The following MAP3K6 variants were observed in gnomAD, a reference collection of about 807,000 sequenced individuals.
The protein encoded by MAP3K6 is apoptosis signal-regulating kinase 2.
In MAP3K6, 105 loss-of-function variants were observed where a neutral mutation model predicts 147.1. The observed-to-expected ratio is 0.71, with a 90% CI of 0.61 to 0.84. The LOEUF is 0.84. Ranked by LOEUF, MAP3K6 falls within the 40% of genes least tolerant of loss-of-function variation. The pLI, the probability that MAP3K6 is intolerant of heterozygous loss-of-function variation, is 0.00. For missense variants in MAP3K6, 1,569 were observed against 1,715.0 expected (o/e 0.91, Z 1.50); for synonymous variants, 695 against 732.4 (o/e 0.95, Z 0.82).
rs147231895 is a variant in MAP3K6, at chr1:27,359,069, T to C, written c.2426-203A>G. On this transcript the variant is annotated intron_variant, in intron 18 of 28. Coordinates refer to ENST00000357582, the MANE Select transcript of MAP3K6 (RefSeq NM_004672.5). This position sits in a 1 kb window ranked among gnomAD's most constrained non-coding sequence, Gnocchi z 4.4. ...GCTCCATCGCCTGCCAAGGCTTCCG[T>C]CATTCATCCTGGGCTCCACCACATT... Among the ~76,000 whole-genome samples the C allele has an allele frequency of 4.3e-3, 649 of 152,230 alleles. No homozygotes were observed. The highest frequency in any genetic ancestry group is 6.1e-3 in the Non-Finnish European group (416 of 68,014).
In MAP3K6 at chr1:27,364,103, G is replaced by A; in HGVS notation, c.696-18C>T. The A allele has an allele frequency of 6.2e-7, 1 of 1,607,874 alleles. No individual in the cohort carries two copies. The highest frequency in any genetic ancestry group is 8.5e-7 in the Non-Finnish European group (1 of 1,176,942). On this transcript the variant is annotated intron_variant, in intron 4 of 28. Transcript: ENST00000357582. The surrounding 1 kb of genome is among the most constrained non-coding windows in gnomAD (Gnocchi z 4.4). ...AATAGCCACTGATGCCCAGGGTAGG[G>A]GAGGCAGGGAGAGAGAATGGTGGGG...
chr1:27,361,204 C>CCG lies in MAP3K6; in HGVS notation c.1784_1785insCG (p.Ala596GlyfsTer12), dbSNP rs1553142237. On this transcript the variant is annotated frameshift_variant, in exon 13 of 29. Coordinates refer to ENST00000357582, the MANE Select transcript of MAP3K6 (RefSeq NM_004672.5). LOFTEE classifies it high-confidence loss of function. The stretch of plus-strand genomic sequence containing the variant: ...GGAAGCACAGCTGGACGTCCTGAGC[C>CCG]GGGGGGAGTGCATAGAGGAAGCAGC... The CCG allele has an allele frequency of 1.2e-6, 2 of 1,613,004 alleles. No individual in the cohort carries two copies. The highest frequency in any genetic ancestry group is 2.2e-5 in the South Asian group (2 of 90,908).
rs1483925500 is a variant in MAP3K6 at position 27,364,905 on chromosome 1, C to T, written c.348G>A (p.Val116=). The T allele has an allele frequency of 1.9e-6, 3 of 1,588,666 alleles. No individual in the cohort carries two copies. Among genetic ancestry groups the T allele is most frequent in the African/African-American group, 2.7e-5 (2 of 74,516 alleles). ...CCAGCGAGCTGCTCACCTCCAGCAC[C>T]ACCACATCTGCAGGCACAGAGGGGG... ...ALDAFYNADV[V]VLEVSSSLVQ... Residue 116 remains valine, a synonymous_variant, in exon 2 of 29, where the codon GTG becomes GTA. Coordinates refer to ENST00000357582, the MANE Select transcript of MAP3K6 (RefSeq NM_004672.5). This position sits in a 1 kb window ranked among gnomAD's most constrained non-coding sequence, Gnocchi z 4.4.
chr1:27,357,355 A>G (rs1240540429), intron 23 of MAP3K6, 45 bp downstream of exon 23: 1 of 1,563,956 alleles, frequency 6.4e-7, no homozygotes, highest in Non-Finnish European at 8.7e-7. Context: ...CGGGGAACTC[A>G]CTACCTGTTG....
chr1:27,362,334 A>G (rs1344744562), intron 8 of MAP3K6, 84 bp from the exon 9 acceptor site: 4 of 1,375,960 alleles, frequency 2.9e-6, no homozygotes, highest in Non-Finnish European at 4.0e-6. Context: ...GAGTGTGGAC[A>G]TGAACATAGA....
rs2015730971 is a variant in MAP3K6 at position 27,360,837 on chromosome 1, A to G, written c.1922T>C (p.Phe641Ser). 6.2e-7 allele frequency: 1 copy of G among 1,612,620 alleles called. No individual in the cohort carries two copies. Among genetic ancestry groups the G allele is most frequent in the Non-Finnish European group, 8.5e-7 (1 of 1,179,802 alleles). Residue 641 changes from phenylalanine to serine, a missense_variant and splice_region_variant, in exon 15 of 29, where the codon TTT becomes TCT. Phe to Ser is a radical substitution (Grantham distance 155). Transcript: ENST00000357582. The surrounding 1 kb of genome is among the most constrained non-coding windows in gnomAD (Gnocchi z 4.5). Reference sequence around the variant, plus strand: ...GCCCGTCTCCGTGTACTCATAATCAAACTGCCGGGCGCGGGGTGAGATGGG... The same window carrying G: ...GCCCGTCTCCGTGTACTCATAATCAGACTGCCGGGCGCGGGGTGAGATGGG... ...EAEGAGEMLE[F>S]DYEYTETGER...
chr1:27,357,978 C>T, intron 21 of MAP3K6, 102 bp from the exon 22 acceptor site: 1 of 1,476,692 alleles, frequency 6.8e-7, no homozygotes, highest in Non-Finnish European at 9.0e-7. Context: ...ATGCCTACCT[C>T]ACAGGCATGA....
At chr1:27,365,959 C>T (rs1472252448) in intron 1 of MAP3K6, among the ~76,000 whole-genome samples, 1 of 151,234 alleles carries the variant, frequency 6.6e-6, no homozygotes, top group African/African-American at 2.4e-5. Flanking sequence ...TTCCAAAGCC[C>T]CTCCCCATCC....
At chr1:27,361,906 C>A (rs777443733) in intron 9 of MAP3K6, 39 bp from the exon 10 acceptor site, 63 of 1,505,866 alleles carry the variant, frequency 4.2e-5, no homozygotes, top group Non-Finnish European at 5.3e-5. Context: ...GCCCAGGCAC[C>A]AACCAGCACT....
At chr1:27,356,870 GA>G in intron 24 of MAP3K6, 121 bp from the exon 25 acceptor site, 1 of 1,430,750 alleles carries the variant, frequency 7.0e-7, no homozygotes. Flanking sequence ...CGGTATGGGA[GA>G]TGTCCATTTA....
Position 27,357,571 on chromosome 1 carries a change from G to A in MAP3K6, c.3087C>T (p.Ala1029=). The change falls in exon 23 of 29, where the codon GCC becomes GCT. Residue 1029 remains alanine, a synonymous_variant. Transcript: ENST00000357582. ...LHQEQKQEQG[A]RLGRNHVEEL... ...CTTCCACATGGTTTCTGCCCAGACGGGCCCCCTGAGAAGGAAGAGAGGGGT... is the reference window on the plus strand; with the variant it reads ...CTTCCACATGGTTTCTGCCCAGACGAGCCCCCTGAGAAGGAAGAGAGGGGT... 2 of 1,607,190 alleles carry A rather than the reference G, an allele frequency of 1.2e-6. No homozygotes were observed. The highest frequency in any genetic ancestry group is 1.7e-6 in the Non-Finnish European group (2 of 1,176,012).
rs2015655797 is a variant in MAP3K6 at position 27,359,303 on chromosome 1, T to C, written c.2425+114A>G. 3 of 1,469,770 alleles carry C rather than the reference T, an allele frequency of 2.0e-6. No individual in the cohort carries two copies. Among genetic ancestry groups the C allele is most frequent in the African/African-American group, 1.4e-5 (1 of 71,776 alleles). 91.0% of individuals were successfully genotyped at this position (1,469,770 alleles called of 1,614,324 possible). ...GCCCAATCACTCACCCTGGGTTTCA[T>C]TCCCCATTAGGACTCTAACTCCATG... On this transcript the variant is annotated intron_variant, in intron 18 of 28. Transcript: ENST00000357582. This position sits in a 1 kb window ranked among gnomAD's most constrained non-coding sequence, Gnocchi z 4.4.
At chr1:27,363,884 AG>A (rs1262620575) in intron 5 of MAP3K6, 32 bp downstream of exon 5, 1 of 1,520,642 alleles carries the variant, frequency 6.6e-7, no homozygotes, top group African/African-American at 1.4e-5. Context: ...CTCAAATGCC[AG>A]CTGCCCTACT....
At position 27,358,703 on chromosome 1, in the gene MAP3K6, T is replaced by C; in HGVS notation, c.2583+6A>G. On this transcript the variant is annotated splice_donor_region_variant and intron_variant, in intron 19 of 28. Coordinates refer to ENST00000357582, the MANE Select transcript of MAP3K6 (RefSeq NM_004672.5). This position sits in a 1 kb window ranked among gnomAD's most constrained non-coding sequence, Gnocchi z 6.2. ...CTTCCATGGGCCAGGCCCAAAGAGG[T>C]CTCACCTGAAACATGGCAGCCTGTG... is the stretch of plus-strand genomic sequence containing the variant. 6 of 1,613,430 alleles carry C rather than the reference T, an allele frequency of 3.7e-6. No individual in the cohort carries two copies. The highest frequency in any genetic ancestry group is 5.1e-6 in the Non-Finnish European group (6 of 1,179,876).
chr1:27,363,200 T>G (rs1340236553), intron 6 of MAP3K6, among the ~76,000 whole-genome samples, 179 bp from the exon 7 acceptor site: 1 of 152,112 alleles, frequency 6.6e-6, no homozygotes, highest in South Asian at 2.1e-4. Context: ...GATTCCTAGA[T>G]GCGATGACTC....
At position 27,364,684 on chromosome 1, in the gene MAP3K6, C is replaced by T. The variant is rs2148060603; in HGVS notation, c.481G>A (p.Glu161Lys). 6.2e-7 allele frequency: 1 copy of T among 1,614,148 alleles called. No homozygotes were observed. The highest frequency in any genetic ancestry group is 8.5e-7 in the Non-Finnish European group (1 of 1,180,016). Residue 161 changes from glutamate to lysine, a missense_variant and splice_region_variant, in exon 3 of 29, where the codon GAG becomes AAG. Physicochemically the swap from Glu to Lys is moderately conservative, Grantham distance 56 (BLOSUM62 1). Transcript: ENST00000357582. The surrounding 1 kb of genome is among the most constrained non-coding windows in gnomAD (Gnocchi z 4.4). ...ACCGAGTTCTTCTGGAAAACATCCT[C>T]CTGCAGGAGGCAGACAGTCAGATAC... ...ADLPDLQALR[E>K]DVFQKNSDCV...
chr1:27,361,028 G>C lies in MAP3K6; in HGVS notation c.1833-20C>G. 9 of 1,557,214 alleles carry C rather than the reference G, an allele frequency of 5.8e-6. No homozygotes were observed. Among genetic ancestry groups the C allele is most frequent in the Non-Finnish European group, 7.8e-6 (9 of 1,150,232 alleles). On this transcript the variant is annotated intron_variant, in intron 13 of 28. Transcript: ENST00000357582. ...CAGAACCTGAAGGTGGGGGAGGTCA[G>C]ACCCGCGGGAGGGGCATCTTGGTCC...
At position 27,359,453 on chromosome 1, in the gene MAP3K6, G is replaced by C. The variant is rs1158984795; in HGVS notation, c.2389C>G (p.Leu797Val). ...TCAGTGCAAGGTGTGATGCCTGCCA[G>C]CCGCTTGGAGGTGCCGAAGTCAGAA... is the stretch of plus-strand genomic sequence containing the variant. ...KISDFGTSKR[L>V]AGITPCTETF... is the part of the protein sequence containing the mutation. Residue 797 changes from leucine to valine, a missense_variant, in exon 18 of 29, where the codon CTG (leucine) becomes GTG (valine). Coordinates refer to ENST00000357582, the MANE Select transcript of MAP3K6 (RefSeq NM_004672.5). The surrounding 1 kb of genome is among the most constrained non-coding windows in gnomAD (Gnocchi z 4.4). 1 of 1,614,144 alleles carries C rather than the reference G, an allele frequency of 6.2e-7. No homozygotes were observed. Among genetic ancestry groups the C allele is most frequent in the Non-Finnish European group, 8.5e-7 (1 of 1,180,018 alleles).
In MAP3K6 at chr1:27,359,179, C is replaced by T. The variant is rs138883334; in HGVS notation, c.2425+238G>A. ...TGAACTCCATCACCTGCTTTTTCCT[C>T]CAACTCCCACCTTGGCCTGCATCAA... On this transcript the variant is annotated intron_variant, in intron 18 of 28. Transcript: ENST00000357582. The surrounding 1 kb of genome is among the most constrained non-coding windows in gnomAD (Gnocchi z 4.4). Among the ~76,000 whole-genome samples, 358 of 152,252 alleles carry T rather than the reference C, an allele frequency of 2.4e-3. 2 individuals carry two copies. Among genetic ancestry groups the T allele is most frequent in the African/African-American group, 8.2e-3 (340 of 41,540 alleles).
Sources: gnomAD v4.1 joint callset for allele counts (sites outside exome capture counted in the v4.1 genomes callset) on GRCh38, gnomAD v4.1.1 for gene constraint, Gnocchi (gnomAD v3.1) non-coding constraint, MANE v1.5 for transcripts, NCBI Gene and HGNC (gene_info 2026-07-23, HGNC 2026-07-21) for gene names.